The following DNAH7 variants were observed in gnomAD, a reference collection of about 807,000 sequenced individuals.
DNAH7 encodes the protein axonemal beta dynein heavy chain 7.
In DNAH7, 397 loss-of-function variants were observed where a neutral mutation model predicts 444.6. The ratio of observed to expected loss-of-function variants is 0.89; its 90% confidence interval spans 0.82 to 0.97. DNAH7 has a LOEUF of 0.97. DNAH7 is among the 50% of genes least tolerant of loss of function. DNAH7 has a pLI of 0.00. For missense variants in DNAH7, 4,902 were observed against 4,800.8 expected, an observed-to-expected ratio of 1.02 and a Z score of -0.62; for synonymous variants, 1,636 against 1,624.4, an observed-to-expected ratio of 1.01 and a Z score of -0.17.
At chr2:195,843,068 C>T (rs1698784409) in intron 47 of DNAH7, among the ~76,000 whole-genome samples, 1 of 152,180 alleles carries the variant, frequency 6.6e-6, no homozygotes, top group South Asian at 2.1e-4. Flanking sequence ...AAATATTTGA[C>T]TATTTTCATG....
chr2:196,040,087 CT>C lies in DNAH7; in HGVS notation c.398+7264del, dbSNP rs573298745. Reference sequence around the variant, plus strand: ...TGAGATTGAAACAGTAATAAAAAGTCTCCCCAAAAAGAAAAGCCCAACACTG... The same window carrying C: ...TGAGATTGAAACAGTAATAAAAAGTCCCCCAAAAAGAAAAGCCCAACACTG... On this transcript the variant is annotated intron_variant, in intron 5 of 64. Transcript: ENST00000312428. Among the ~76,000 whole-genome samples the C allele has an allele frequency of 1.3e-3, 193 of 152,124 alleles. 1 individual carries two copies. Among genetic ancestry groups the C allele is most frequent in the African/African-American group, 4.5e-3 (185 of 41,532 alleles).
chr2:196,032,466 A>AT (rs1207872013), intron 5 of DNAH7, among the ~76,000 whole-genome samples: 1 of 152,208 alleles, frequency 6.6e-6, no homozygotes, highest in Non-Finnish European at 1.5e-5. Flanking sequence ...AAAGGAGAGA[A>AT]TGAGTAGGAA....
chr2:195,744,790 G>C (rs865931027), intron 63 of DNAH7, among the ~76,000 whole-genome samples: 1 of 152,170 alleles, frequency 6.6e-6, no homozygotes, highest in Non-Finnish European at 1.5e-5. Context: ...CTGCAGCTGA[G>C]GGTCCTGTCT....
At chr2:196,038,934 G>T (rs535960315) in intron 5 of DNAH7, among the ~76,000 whole-genome samples, 1 of 152,026 alleles carries the variant, frequency 6.6e-6, no homozygotes, top group East Asian at 1.9e-4. Context: ...CAATAGAAAG[G>T]GACTTTAATT....
intron 51 of DNAH7, among the ~76,000 whole-genome samples, chr2:195,813,748 T>C (rs1159928410): frequency 6.6e-6 from 1 of 152,238 alleles, no homozygotes; most frequent in East Asian, 1.9e-4. Flanking sequence ...TTCCGTTTAA[T>C]GTTTATTCAA....
chr2:195,756,826 C>T (rs1430552343), intron 61 of DNAH7, among the ~76,000 whole-genome samples: 1 of 151,418 alleles, frequency 6.6e-6, no homozygotes, highest in Non-Finnish European at 1.5e-5. Context: ...ACCTCACCTC[C>T]ACAACAAATA....
At chr2:196,027,503 T>A (rs1215532460) in intron 6 of DNAH7, among the ~76,000 whole-genome samples, 1 of 152,038 alleles carries the variant, frequency 6.6e-6, no homozygotes, top group East Asian at 1.9e-4. Flanking sequence ...AATTTTTACA[T>A]GTCACTTATT....
Position 195,787,182 on chromosome 2 carries a change from A to G in DNAH7, c.10717-11T>C. ...TTTCTTGAATTCCTCCTGTAATGAGAAGAAATGATGCCGCATCATTATTTT... is the reference window on the plus strand; with the variant it reads ...TTTCTTGAATTCCTCCTGTAATGAGGAGAAATGATGCCGCATCATTATTTT... On this transcript the variant is annotated splice_polypyrimidine_tract_variant and intron_variant, in intron 57 of 64. Transcript: ENST00000312428. The G allele has an allele frequency of 6.3e-7, 1 of 1,581,676 alleles. No homozygotes were observed. The highest frequency in any genetic ancestry group is 8.6e-7 in the Non-Finnish European group (1 of 1,169,480).
chr2:195,975,016 A>T (rs542908235), intron 15 of DNAH7, among the ~76,000 whole-genome samples: 8 of 152,180 alleles, frequency 5.3e-5, no homozygotes, highest in Non-Finnish European at 1.0e-4. Flanking sequence ...GCGCACTTAA[A>T]TACTTTAAAA....
At chr2:196,000,623 A>G in intron 12 of DNAH7, 81 bp downstream of exon 12, 1 of 1,159,048 alleles carries the variant, frequency 8.6e-7, no homozygotes, top group East Asian at 2.7e-5. Flanking sequence ...AGCAGAGGAT[A>G]CCTGCCTTCA....
intron 30 of DNAH7, chr2:195,893,727 G>C (rs1288570506): frequency 6.6e-6 from 1 of 152,210 alleles, no homozygotes; most frequent in Non-Finnish European, 1.5e-5. Context: ...TGAAGCGATA[G>C]CTTGGTTGGC....
At position 195,879,963 on chromosome 2, in the gene DNAH7, A is replaced by AT. The variant is rs919618670; in HGVS notation, c.5961+1831dup. Among the ~76,000 whole-genome samples the AT allele has an allele frequency of 3.0e-4, 46 of 151,704 alleles. No individual in the cohort carries two copies. In the South Asian group the frequency reaches 3.3e-3, roughly 11 times the overall value. On this transcript the variant is annotated intron_variant, in intron 36 of 64. Coordinates refer to ENST00000312428, the MANE Select transcript of DNAH7 (RefSeq NM_018897.3). Reference sequence around the variant, plus strand: ...TGCTGTCAGCCAGTGTCTTCAGTTAATTTTTTTTTGTTGTATTGTTTTAAC... The same window carrying AT: ...TGCTGTCAGCCAGTGTCTTCAGTTAATTTTTTTTTTGTTGTATTGTTTTAAC...
chr2:196,068,649 G>C, intron 1 of DNAH7, 48 bp downstream of exon 1: 1 of 1,549,780 alleles, frequency 6.5e-7, no homozygotes, highest in Non-Finnish European at 8.7e-7. Context: ...CGAAACGCCT[G>C]GGAAGCGTCG....
intron 19 of DNAH7, among the ~76,000 whole-genome samples, chr2:195,950,845 CTG>C (rs1315299395): frequency 1.5e-5 from 1 of 65,130 alleles, no homozygotes; most frequent in African/African-American, 7.2e-5. Flanking sequence ...GAGTGGGACT[CTG>C]TCTCAAAAAA....
At chr2:195,951,860 C>A (rs1690281681) in intron 19 of DNAH7, among the ~76,000 whole-genome samples, 1 of 152,118 alleles carries the variant, frequency 6.6e-6, no homozygotes, top group Non-Finnish European at 1.5e-5. Context: ...ATACAGCACA[C>A]CGATGGGGCT....
chr2:195,906,835 T>G (rs770361399), intron 26 of DNAH7, 49 bp from the exon 27 acceptor site: 13 of 1,610,632 alleles, frequency 8.1e-6, no homozygotes, highest in Non-Finnish European at 1.1e-5. Flanking sequence ...CATATAAACA[T>G]GAGCTGTGCC....
At chr2:195,946,771 G>A (rs1056161490) in intron 19 of DNAH7, among the ~76,000 whole-genome samples, 7 of 152,034 alleles carry the variant, frequency 4.6e-5, no homozygotes, top group South Asian at 4.2e-4. Flanking sequence ...ACCCAGATGA[G>A]AAGCACAGGA....
intron 61 of DNAH7, among the ~76,000 whole-genome samples, chr2:195,762,991 A>C (rs1694418134): frequency 6.6e-6 from 1 of 152,230 alleles, no homozygotes. Context: ...ATATCCAAAA[A>C]AATGAAATAA....
At chr2:195,909,321 T>A (rs533381280) in intron 25 of DNAH7, among the ~76,000 whole-genome samples, 47 of 152,148 alleles carry the variant, frequency 3.1e-4, no homozygotes, top group Admixed American at 5.2e-4. Flanking sequence ...TTCAAGTGGA[T>A]CATTTTGTGT....
Sources: gnomAD v4.1 joint callset for allele counts (sites outside exome capture counted in the v4.1 genomes callset) on GRCh38, gnomAD v4.1.1 for gene constraint, MANE v1.5 for transcripts, NCBI Gene and HGNC (gene_info 2026-07-23, HGNC 2026-07-21) for gene names.